TBC1D2B: variants seen among roughly 807,000 people sequenced by gnomAD.
The protein encoded by TBC1D2B is TBC1 domain family member 2B, also known as TBC1 domain family, member 2B.
Under a neutral mutation model 100.8 loss-of-function variants are expected in TBC1D2B, and 64 were observed. The ratio of observed to expected loss-of-function variants is 0.64; its 90% CI spans 0.52 to 0.78. TBC1D2B has a LOEUF of 0.78. Among genes scored for constraint, TBC1D2B ranks in the 30% least tolerant of loss-of-function variants. The probability of loss-of-function intolerance (pLI) is 0.00; values close to 1 mark genes in which losing one functional copy is unlikely to be tolerated. For synonymous variants in TBC1D2B, 480 were observed against 479.7 expected (o/e 1.00, Z -0.01); for missense variants, 1,052 against 1,218.4 (o/e 0.86, Z 2.03).
chr15:78,009,675 T>C (rs569541599), intron 9 of TBC1D2B, among the ~76,000 whole-genome samples: 4 of 152,200 alleles, frequency 2.6e-5, no homozygotes, highest in African/African-American at 9.6e-5. Flanking sequence ...AAAAAAGTTT[T>C]CATTATAAGA....
Position 78,003,224 on chromosome 15 carries a change from G to A in TBC1D2B, c.2574+81C>T, listed in dbSNP as rs533281258. ...GGTAACCCTCATAAGTTCCAGGTGA[G>A]CCAGCCGCTCTACCGCCACCAACGC... On this transcript the variant is annotated intron_variant, in intron 11 of 12. Transcript: ENST00000300584. 4.5e-6 allele frequency: 6 copies of A among 1,343,248 alleles called. No individual in the cohort carries two copies. The South Asian group carries it at 6.4e-5, about 14-fold the overall frequency. The allele number at this position is 1,343,248 out of a possible 1,614,324, so 83.2% of individuals were successfully genotyped here. A position where few individuals can be genotyped will look rare whatever the true frequency, so the allele number is the denominator to read the frequency against.
intron 12 of TBC1D2B, among the ~76,000 whole-genome samples, chr15:77,999,839 G>A (rs2071864618): frequency 1.3e-5 from 2 of 152,232 alleles, no homozygotes; most frequent in Admixed American, 1.3e-4. Flanking sequence ...AGGTTCCTCT[G>A]GGAAATGAGA....
intron 1 of TBC1D2B, among the ~76,000 whole-genome samples, chr15:78,071,179 G>A (rs537363924): frequency 6.6e-6 from 1 of 152,050 alleles, no homozygotes; most frequent in Non-Finnish European, 1.5e-5. Flanking sequence ...TGTTGCCTAG[G>A]CTGGTCTCGA....
intron 3 of TBC1D2B, among the ~76,000 whole-genome samples, chr15:78,031,572 A>AAAAAAAAAAAG (rs1177166209): frequency 1.3e-5 from 2 of 150,350 alleles, no homozygotes; most frequent in Admixed American, 6.6e-5. Context: ...AAAAAAAAAA[A>AAAAAAAAAAAG]AAAGAGAGAG....
intron 4 of TBC1D2B, among the ~76,000 whole-genome samples, chr15:78,029,777 C>T (rs1018158798): frequency 6.6e-6 from 1 of 152,226 alleles, no homozygotes; most frequent in Admixed American, 6.5e-5. Flanking sequence ...ACTTCCAAGT[C>T]TGCTATCTCC....
intron 3 of TBC1D2B, among the ~76,000 whole-genome samples, chr15:78,044,185 A>C (rs2073148436): frequency 6.6e-6 from 1 of 152,228 alleles, no homozygotes; most frequent in African/African-American, 2.4e-5. Context: ...AAACATTTAA[A>C]AATTGATTGT....
chr15:78,039,727 C>T (rs2073029501), intron 3 of TBC1D2B, among the ~76,000 whole-genome samples: 1 of 150,368 alleles, frequency 6.7e-6, no homozygotes, highest in African/African-American at 2.5e-5. Flanking sequence ...CACTCACTCC[C>T]ACCCATCCAG....
chr15:78,060,899 A>G (rs1024346092), intron 1 of TBC1D2B, among the ~76,000 whole-genome samples: 2 of 152,024 alleles, frequency 1.3e-5, no homozygotes, highest in African/African-American at 4.8e-5. Context: ...CCTGGGCAAC[A>G]ACAGTGAAAC....
intron 6 of TBC1D2B, among the ~76,000 whole-genome samples, chr15:78,019,431 C>T (rs1381716680): frequency 1.3e-5 from 2 of 152,156 alleles, no homozygotes; most frequent in Non-Finnish European, 2.9e-5. Context: ...TCCATGGTCT[C>T]AGGCCCGACT....
At position 78,054,078 on chromosome 15, in the gene TBC1D2B, G is replaced by T; in HGVS notation, c.470C>A (p.Thr157Asn). The part of the protein sequence containing the change: ...MVKWDSRTSP[T>N]PGDFPKGLVA... The stretch of plus-strand genomic sequence containing the variant: ...AAGACCCTTAGGAAAATCCCCGGGA[G>T]TTGGAGAGGTCCTGCTGTCCCACTT... The change falls in exon 2 of 13, where the codon ACT (threonine) becomes AAT (asparagine). Residue 157 changes from threonine to asparagine, a missense_variant. By Grantham distance (65) the Thr-to-Asn change is moderately conservative. This residue lies in a region of TBC1D2B where 627 missense variants were observed against 646.1 expected (regional missense o/e 0.97). Coordinates refer to ENST00000300584, the MANE Select transcript of TBC1D2B (RefSeq NM_144572.2). 1 of 1,613,770 alleles carries T rather than the reference G, an allele frequency of 6.2e-7. No homozygotes were observed. Among genetic ancestry groups the T allele is most frequent in the African/African-American group, 1.3e-5 (1 of 75,038 alleles).
intron 10 of TBC1D2B, among the ~76,000 whole-genome samples, chr15:78,008,219 A>C (rs1472278453): frequency 6.6e-6 from 1 of 152,222 alleles, no homozygotes; most frequent in East Asian, 1.9e-4. Context: ...GCAAAGGCAG[A>C]AACACTGGGC....
rs557286720 is a variant in TBC1D2B at position 78,023,243 on chromosome 15, G to A, written c.1470+913C>T. ...ATTTGCAAGATGAGGGTGGCCAGGT[G>A]AGGGACGCCTTGGGGCTAGGTGAGA... On this transcript the variant is annotated intron_variant, in intron 6 of 12. Coordinates refer to ENST00000300584, the MANE Select transcript of TBC1D2B (RefSeq NM_144572.2). 2.0e-5 allele frequency among the ~76,000 whole-genome samples: 3 copies of A among 152,326 alleles called. No individual in the cohort carries two copies. In the South Asian group the frequency reaches 6.2e-4, roughly 32 times the overall value.
At chr15:78,044,214 CTG>C (rs1014708846) in intron 3 of TBC1D2B, among the ~76,000 whole-genome samples, 1 of 152,130 alleles carries the variant, frequency 6.6e-6, no homozygotes, top group Admixed American at 6.5e-5. Flanking sequence ...AAGCACAACT[CTG>C]TGAATATACC....
At chr15:78,023,508 C>T (rs141349456) in intron 6 of TBC1D2B, among the ~76,000 whole-genome samples, 84 of 152,328 alleles carry the variant, frequency 5.5e-4, no homozygotes, top group African/African-American at 2.0e-3. Context: ...TTCCTCCTAC[C>T]GCATCAGCTG....
intron 3 of TBC1D2B, among the ~76,000 whole-genome samples, chr15:78,039,435 A>G (rs2073022716): frequency 2.0e-5 from 3 of 152,158 alleles, no homozygotes; most frequent in Admixed American, 2.0e-4. Context: ...AGCAAAAACA[A>G]AGGATCAGAG....
rs141000705 is a variant in TBC1D2B at position 78,005,243 on chromosome 15, T to A, written c.2389-1753A>T. ...TCTGGCCTCTGTTCAAGCTCCCTCCTCCACTGAGCTCTGGAGGACATGGAA... is the reference window on the plus strand; with the variant it reads ...TCTGGCCTCTGTTCAAGCTCCCTCCACCACTGAGCTCTGGAGGACATGGAA... On this transcript the variant is annotated intron_variant, in intron 10 of 12. Transcript: ENST00000300584. Among the ~76,000 whole-genome samples the A allele has an allele frequency of 2.1e-3, 316 of 152,314 alleles. 1 individual carries two copies. Among genetic ancestry groups the A allele is most frequent in the African/African-American group, 6.8e-3 (281 of 41,570 alleles).
intron 3 of TBC1D2B, among the ~76,000 whole-genome samples, chr15:78,036,529 G>A (rs1386793364): frequency 1.3e-5 from 2 of 152,330 alleles, no homozygotes; most frequent in East Asian, 3.9e-4. Context: ...AGACAGCAAT[G>A]TGGCCAAGGA....
intron 5 of TBC1D2B, 50 bp from the exon 6 acceptor site, chr15:78,024,589 G>A (rs1323912685): frequency 1.3e-6 from 2 of 1,510,328 alleles, no homozygotes; most frequent in Admixed American, 2.1e-5. Context: ...GCAAGGAGAG[G>A]AGGAAAAGCA....
chr15:78,042,962 C>G (rs2073120221), intron 3 of TBC1D2B, among the ~76,000 whole-genome samples: 1 of 152,120 alleles, frequency 6.6e-6, no homozygotes, highest in Admixed American at 6.6e-5. Flanking sequence ...GGTGGGACTG[C>G]AGCCACAAGC....
Sources: allele counts gnomAD v4.1 joint callset (sites outside exome capture counted in the v4.1 genomes callset), GRCh38; gene constraint gnomAD v4.1.1; regional missense constraint gnomAD v4.1.1; transcripts MANE v1.5; gene names NCBI Gene and HGNC (gene_info 2026-07-23, HGNC 2026-07-21).